TAB2: variants seen among roughly 807,000 people sequenced by gnomAD.
TAB2 encodes TGF-beta activated kinase 1 (MAP3K7) binding protein 2.
In TAB2, 3 loss-of-function variants were observed where a neutral mutation model predicts 65.0. The ratio of observed to expected loss-of-function variants is 0.05; its 90% CI spans 0.02 to 0.12. The LOEUF is 0.12. TAB2 is among the 10% of genes least tolerant of loss of function. TAB2 has a pLI of 1.00. For synonymous variants in TAB2, 298 were observed against 285.1 expected, an observed-to-expected ratio of 1.05 and a Z score of -0.46; for missense variants, 623 against 840.3, an observed-to-expected ratio of 0.74 and a Z score of 3.20.
intron 1 of TAB2, among the ~76,000 whole-genome samples, chr6:149,320,029 AG>A (rs1395069250): frequency 6.6e-6 from 1 of 152,188 alleles, no homozygotes; most frequent in Admixed American, 6.5e-5. Context: ...CCTTCAGCTA[AG>A]GGTATTGCTA....
intron 1 of TAB2, among the ~76,000 whole-genome samples, chr6:149,321,748 A>G (rs1222850503): frequency 3.3e-5 from 5 of 152,196 alleles, no homozygotes; most frequent in Non-Finnish European, 7.4e-5. Context: ...CTGACAAGTG[A>G]TGTTTCAGGA....
chr6:149,403,269 T>TATATACAC, intron 6 of TAB2, among the ~76,000 whole-genome samples: 1 of 47,802 alleles, frequency 2.1e-5, no homozygotes, highest in African/African-American at 1.1e-4. Context: ...TATATATATA[T>TATATACAC]ATATATATAT....
At chr6:149,379,660 G>GTATTATA (rs1473384219) in intron 3 of TAB2, 142 bp downstream of exon 3, 3 of 704,038 alleles carry the variant, frequency 4.3e-6, no homozygotes, top group Non-Finnish European at 7.2e-6. Context: ...ACATTTGAGA[G>GTATTATA]TATTATATGT....
chr6:149,282,497 C>G (rs1049582252), intron 1 of TAB2, among the ~76,000 whole-genome samples: 1 of 152,046 alleles, frequency 6.6e-6, no homozygotes, highest in Admixed American at 6.6e-5. Flanking sequence ...AATAGACGTT[C>G]TTTTGAAGTA....
intron 2 of TAB2, 56 bp from the exon 3 acceptor site, chr6:149,377,962 A>G (rs1263316732): frequency 4.4e-6 from 6 of 1,365,602 alleles, no homozygotes; most frequent in Admixed American, 1.7e-5. Context: ...TAGAGATGCA[A>G]ATATAAGCAT....
At chr6:149,279,199 C>T (rs558488321) in intron 1 of TAB2, among the ~76,000 whole-genome samples, 8 of 152,246 alleles carry the variant, frequency 5.3e-5, no homozygotes, top group South Asian at 4.1e-4. Context: ...CAGTGTTCAC[C>T]GTGCCTGACC....
rs1474012061 is a variant in TAB2, at chr6:149,379,381, A to G, written c.1466A>G (p.Asn489Ser). 3 of 1,614,056 alleles carry G rather than the reference A, an allele frequency of 1.9e-6. No individual in the cohort carries two copies. The highest frequency in any genetic ancestry group is 1.7e-5 in the Admixed American group (1 of 59,996). The change falls in exon 3 of 7, where the codon AAT becomes AGT. Residue 489 changes from asparagine to serine, a missense_variant. Physicochemically the swap from Asn to Ser is conservative, Grantham distance 46. This residue lies in a region of TAB2 where 550 missense variants were observed against 665.7 expected (regional missense o/e 0.83). Transcript: ENST00000637181. ...GVVSPTFELT[N>S]LLNHPDHYVE... is the part of the protein sequence containing the mutation. ...GTGTCCCCTACCTTTGAACTTACAA[A>G]TCTTCTTAATCATCCTGATCATTAT...
chr6:149,247,359 C>T (rs1263279602), intron 1 of TAB2: 1 of 152,244 alleles, frequency 6.6e-6, no homozygotes, highest in African/African-American at 2.4e-5. Flanking sequence ...TAAAACCACT[C>T]TCTGGGGTAG....
intron 1 of TAB2, among the ~76,000 whole-genome samples, chr6:149,280,680 C>T (rs1778557160): frequency 6.6e-6 from 1 of 152,094 alleles, no homozygotes; most frequent in Non-Finnish European, 1.5e-5. Context: ...GTGGCTCATA[C>T]CTGTAATCCC....
At chr6:149,269,617 T>A (rs994579436) in intron 1 of TAB2, among the ~76,000 whole-genome samples, 1 of 152,186 alleles carries the variant, frequency 6.6e-6, no homozygotes, top group Admixed American at 6.5e-5. Context: ...CCCCAGCCCC[T>A]GGCAACCATT....
chr6:149,299,469 C>T (rs1218914520), intron 1 of TAB2, among the ~76,000 whole-genome samples: 1 of 151,990 alleles, frequency 6.6e-6, no homozygotes, highest in African/African-American at 2.4e-5. Flanking sequence ...CTACTCAGGA[C>T]GCTGAGGCAA....
intron 1 of TAB2, among the ~76,000 whole-genome samples, chr6:149,224,350 T>C (rs555120336): frequency 6.6e-6 from 1 of 152,242 alleles, no homozygotes; most frequent in Admixed American, 6.5e-5. Flanking sequence ...AGGAACTTTT[T>C]AGCAAAAATT....
chr6:149,408,020 C>T (rs771271479), intron 6 of TAB2, among the ~76,000 whole-genome samples: 1 of 152,058 alleles, frequency 6.6e-6, no homozygotes, highest in African/African-American at 2.4e-5. Flanking sequence ...TTACTAAAAA[C>T]GTGTCAGGTG....
intron 1 of TAB2, among the ~76,000 whole-genome samples, chr6:149,248,455 A>AGGAAG (rs1777782503): frequency 6.6e-4 from 37 of 56,460 alleles, no homozygotes; most frequent in African/African-American, 1.6e-3. Context: ...AAGGAAGAAA[A>AGGAAG]GAAGGAAGGA....
intron 1 of TAB2, among the ~76,000 whole-genome samples, chr6:149,325,149 A>C (rs754814622): frequency 6.6e-6 from 1 of 152,188 alleles, no homozygotes; most frequent in Non-Finnish European, 1.5e-5. Flanking sequence ...TGGGCTTTAA[A>C]ACCAGATGAG....
chr6:149,248,297 CAGG>C (rs1197744001), intron 1 of TAB2, among the ~76,000 whole-genome samples: 2 of 152,004 alleles, frequency 1.3e-5, no homozygotes, highest in East Asian at 3.9e-4. Flanking sequence ...GAGGCTGAGG[CAGG>C]AGAATTGCTC....
At chr6:149,322,676 A>C (rs1779494324) in intron 1 of TAB2, among the ~76,000 whole-genome samples, 1 of 152,148 alleles carries the variant, frequency 6.6e-6, no homozygotes, top group Non-Finnish European at 1.5e-5. Flanking sequence ...TATGTTGTTG[A>C]ATAGGTTGAT....
At chr6:149,290,137 T>C (rs1464086260) in intron 1 of TAB2, among the ~76,000 whole-genome samples, 2 of 152,212 alleles carry the variant, frequency 1.3e-5, no homozygotes, top group African/African-American at 4.8e-5. Context: ...TCTGTGTTGA[T>C]GTTAATGCTG....
intron 1 of TAB2, among the ~76,000 whole-genome samples, chr6:149,308,067 C>T (rs1222430945): frequency 6.6e-6 from 1 of 152,202 alleles, no homozygotes; most frequent in Non-Finnish European, 1.5e-5. Context: ...TTTTTAACCA[C>T]TACATCTTAT....
Sources: gnomAD v4.1 joint callset for allele counts (sites outside exome capture counted in the v4.1 genomes callset) on GRCh38, gnomAD v4.1.1 for gene constraint, gnomAD v4.1.1 regional missense constraint, MANE v1.5 for transcripts, NCBI Gene and HGNC (gene_info 2026-07-23, HGNC 2026-07-21) for gene names.